HMGCLL1: variants seen among roughly 807,000 people sequenced by gnomAD.
HMGCLL1 encodes the protein 3-hydroxymethyl-3-methylglutaryl-CoA lyase, cytoplasmic.
In HMGCLL1, 36 loss-of-function variants were observed where a neutral mutation model predicts 39.1. The observed-to-expected ratio is 0.92, with a 90% CI of 0.71 to 1.22. HMGCLL1 has a LOEUF of 1.22. Among genes scored for constraint, HMGCLL1 ranks in the 50% most tolerant of loss-of-function variants. The pLI, the probability that HMGCLL1 is intolerant of heterozygous loss-of-function variation, is 0.00. For missense variants in HMGCLL1, 451 were observed against 416.5 expected, an observed-to-expected ratio of 1.08 and a Z score of -0.72; for synonymous variants, 149 against 144.0, an observed-to-expected ratio of 1.03 and a Z score of -0.25.
intron 1 of HMGCLL1, among the ~76,000 whole-genome samples, chr6:55,545,371 G>A (rs971323357): frequency 8.5e-5 from 13 of 152,064 alleles, no homozygotes; most frequent in African/African-American, 1.2e-4. Flanking sequence ...TTAAATCACC[G>A]ATTATTAACA....
the HMGCLL1 span, among the ~76,000 whole-genome samples, chr6:55,623,608 T>C: frequency 6.6e-6 from 1 of 151,036 alleles, no homozygotes; most frequent in Non-Finnish European, 1.5e-5. Flanking sequence ...GCAAATACTA[T>C]TAGAGCCGAA....
chr6:55,656,358 G>A, the HMGCLL1 span, among the ~76,000 whole-genome samples: 1 of 151,976 alleles, frequency 6.6e-6, no homozygotes, highest in Non-Finnish European at 1.5e-5. Flanking sequence ...AGAAGACAAA[G>A]TGTTCATCAA....
chr6:55,604,161 G>A, the HMGCLL1 span, among the ~76,000 whole-genome samples: 1 of 152,086 alleles, frequency 6.6e-6, no homozygotes, highest in Non-Finnish European at 1.5e-5. Flanking sequence ...GTTGCTGCAG[G>A]CTTCACCCCT....
chr6:55,501,074 C>G (rs997828755), intron 5 of HMGCLL1, among the ~76,000 whole-genome samples: 4 of 150,298 alleles, frequency 2.7e-5, no homozygotes, highest in Non-Finnish European at 5.9e-5. Context: ...CACTTTCCCT[C>G]CAGGACATTT....
chr6:55,573,557 AATTAG>A (rs1223809798), intron 1 of HMGCLL1, among the ~76,000 whole-genome samples: 2 of 152,148 alleles, frequency 1.3e-5, no homozygotes, highest in Admixed American at 6.5e-5. Flanking sequence ...GAACTCAATA[AATTAG>A]ATTAACAGCA....
At chr6:55,661,954 G>T in the HMGCLL1 span, among the ~76,000 whole-genome samples, 1 of 151,756 alleles carries the variant, frequency 6.6e-6, no homozygotes, top group Non-Finnish European at 1.5e-5. Flanking sequence ...GCATTCGTAG[G>T]TATATTCTTT....
intron 1 of HMGCLL1, among the ~76,000 whole-genome samples, chr6:55,544,972 T>C (rs4431436): frequency 0.65 from 98,394 of 151,854 alleles, 32,176 homozygotes; most frequent in Admixed American, 0.71. Context: ...GCCTATAATT[T>C]CAACAGAACA....
At chr6:55,591,412 G>T in the HMGCLL1 span, among the ~76,000 whole-genome samples, 1 of 151,854 alleles carries the variant, frequency 6.6e-6, no homozygotes. Flanking sequence ...ACTTGCAGAG[G>T]GGCACTTCAT....
At chr6:55,589,800 C>T in the HMGCLL1 span, among the ~76,000 whole-genome samples, 1 of 152,104 alleles carries the variant, frequency 6.6e-6, no homozygotes, top group Non-Finnish European at 1.5e-5. Context: ...CTCCCATTCA[C>T]AATTGCTTCA....
the HMGCLL1 span, among the ~76,000 whole-genome samples, chr6:55,630,995 C>A: frequency 1.3e-5 from 2 of 151,986 alleles, no homozygotes; most frequent in Non-Finnish European, 2.9e-5. Context: ...TTTCCTTATC[C>A]TTGACCTTTG....
chr6:55,678,347 C>A, the HMGCLL1 span, among the ~76,000 whole-genome samples: 1 of 152,188 alleles, frequency 6.6e-6, no homozygotes, highest in Non-Finnish European at 1.5e-5. Context: ...ACTTTAGTTT[C>A]CATGAACATT....
chr6:55,599,227 C>T, the HMGCLL1 span, among the ~76,000 whole-genome samples: 1 of 151,546 alleles, frequency 6.6e-6, no homozygotes, highest in Non-Finnish European at 1.5e-5. Context: ...CAAACCTGCA[C>T]GTTCTGCACA....
chr6:55,577,286 T>C, intron 1 of HMGCLL1: 1 of 1,335,588 alleles, frequency 7.5e-7, no homozygotes, highest in Non-Finnish European at 1.0e-6. Flanking sequence ...GAATTATTTT[T>C]AAAAATTCCC....
chr6:55,655,699 A>AC, the HMGCLL1 span, among the ~76,000 whole-genome samples: 1 of 151,924 alleles, frequency 6.6e-6, no homozygotes, highest in Admixed American at 6.6e-5. Context: ...TCTGTCAACC[A>AC]CCTTCATACT....
chr6:55,642,629 T>G, the HMGCLL1 span, among the ~76,000 whole-genome samples: 33 of 152,244 alleles, frequency 2.2e-4, no homozygotes, highest in Admixed American at 2.0e-3. Flanking sequence ...TTAGTTGTTT[T>G]GTTTTTTAAA....
In HMGCLL1 at chr6:55,500,287, G is replaced by A. The variant is rs536482478; in HGVS notation, c.543-988C>T. On this transcript the variant is annotated intron_variant, in intron 5 of 8. Transcript: ENST00000274901. ...CTGAAAATTATTACGTAAGGTAGTG[G>A]CAAGATCAGATTTGTTTCCCAGAAA... Among the ~76,000 whole-genome samples, 15 of 152,070 alleles carry A rather than the reference G, an allele frequency of 9.9e-5. No homozygotes were observed. The East Asian group carries it at 1.7e-3, about 18-fold the overall frequency.
At chr6:55,580,430 T>C, upstream of HMGCLL1, among the ~76,000 whole-genome samples, 1 of 141,106 alleles carries the variant, frequency 7.1e-6, no homozygotes, top group South Asian at 2.3e-4. Context: ...TTTTTTTTTT[T>C]TTTGAGACGG....
At chr6:55,645,851 G>GT in the HMGCLL1 span, among the ~76,000 whole-genome samples, 1,335 of 151,400 alleles carry the variant, frequency 8.8e-3, 13 homozygotes, top group Non-Finnish European at 0.011. Flanking sequence ...TTGGTTTGTA[G>GT]TTTTTTTTAA....
chr6:55,489,643 T>C (rs993243174), intron 7 of HMGCLL1, among the ~76,000 whole-genome samples: 1 of 152,030 alleles, frequency 6.6e-6, no homozygotes, highest in Non-Finnish European at 1.5e-5. Context: ...CTTGCAATAT[T>C]ATGTCTGAAG....
Sources: allele counts gnomAD v4.1 joint callset (sites outside exome capture counted in the v4.1 genomes callset), GRCh38; gene constraint gnomAD v4.1.1; transcripts MANE v1.5; gene names NCBI Gene and HGNC (gene_info 2026-07-23, HGNC 2026-07-21).